The following TSPEAR variants were observed in gnomAD, a reference collection of about 807,000 sequenced individuals.
The protein encoded by TSPEAR is thrombospondin type laminin G domain and EAR repeats, also known as thrombospondin-type laminin G domain and EAR repeat-containing protein.
Under a neutral mutation model 71.6 loss-of-function variants are expected in TSPEAR, and 69 were observed. The ratio of observed to expected loss-of-function variants is 0.96; its 90% CI spans 0.79 to 1.18. TSPEAR has a LOEUF of 1.18. TSPEAR is among the 50% of genes most tolerant of loss of function. The pLI is 0.00. For synonymous variants in TSPEAR, 402 were observed against 387.2 expected (o/e 1.04, Z -0.45); for missense variants, 971 against 894.9 (o/e 1.09, Z -1.09).
chr21:44,570,068 T>C (rs2053770220), intron 1 of TSPEAR, among the ~76,000 whole-genome samples: 1 of 152,118 alleles, frequency 6.6e-6, no homozygotes, highest in African/African-American at 2.4e-5. Context: ...GGCTCACCCC[T>C]GGGGGTTTAG....
intron 11 of TSPEAR, among the ~76,000 whole-genome samples, chr21:44,501,870 A>ATTC (rs2052038809): frequency 6.6e-6 from 1 of 152,216 alleles, no homozygotes; most frequent in South Asian, 2.1e-4. Context: ...AAAAAATCCT[A>ATTC]TTCTTCAGAC....
At chr21:44,682,084 A>C (rs782057851) in intron 1 of TSPEAR, 6 of 1,613,928 alleles carry the variant, frequency 3.7e-6, no homozygotes, top group Non-Finnish European at 5.1e-6. Flanking sequence ...GGCGCGCAGC[A>C]GGCTGGCTGG....
At chr21:44,689,928 T>G (rs782124591) in intron 1 of TSPEAR, among the ~76,000 whole-genome samples, 1 of 151,652 alleles carries the variant, frequency 6.6e-6, no homozygotes, top group Non-Finnish European at 1.5e-5. Flanking sequence ...CAGTCTCGCC[T>G]CTTCACATTT....
intron 1 of TSPEAR, chr21:44,702,139 G>A: frequency 8.0e-7 from 1 of 1,243,804 alleles, no homozygotes; most frequent in Non-Finnish European, 1.1e-6. Flanking sequence ...CATGAGCACA[G>A]GGGTGGAGAC....
At chr21:44,530,092 G>A (rs1191373665) in intron 4 of TSPEAR, 138 bp from the exon 5 acceptor site, 2 of 897,096 alleles carry the variant, frequency 2.2e-6, no homozygotes, top group South Asian at 1.8e-5. Flanking sequence ...AGAGCTAACT[G>A]GGAAGAGTTT....
chr21:44,615,761 G>A (rs1030691782), intron 1 of TSPEAR, among the ~76,000 whole-genome samples: 2 of 152,082 alleles, frequency 1.3e-5, no homozygotes, highest in African/African-American at 2.4e-5. Context: ...TGCAACAGTC[G>A]TATCCAAATT....
rs372126563 is a variant in TSPEAR at position 44,539,424 on chromosome 21, C to T, written c.304-5501G>A. The T allele has an allele frequency of 1.0e-4, 165 of 1,602,404 alleles. 3 individuals carry two copies. The South Asian group carries it at 1.1e-3, about 10-fold the overall frequency. On this transcript the variant is annotated intron_variant, in intron 2 of 11. Transcript: ENST00000323084. ...CAGGAGGAGACAGGCATACAGCAGGCGGGCCGGCATACAGGGCGGCAGAGG... is the reference window on the plus strand; with the variant it reads ...CAGGAGGAGACAGGCATACAGCAGGTGGGCCGGCATACAGGGCGGCAGAGG...
intron 1 of TSPEAR, among the ~76,000 whole-genome samples, chr21:44,616,989 G>C (rs1982142639): frequency 6.6e-6 from 1 of 152,202 alleles, no homozygotes; most frequent in South Asian, 2.1e-4. Context: ...ACCAGGAAAG[G>C]AGGGTGCAGT....
chr21:44,667,478 T>C (rs1265034031), intron 1 of TSPEAR, among the ~76,000 whole-genome samples: 1 of 152,176 alleles, frequency 6.6e-6, no homozygotes, highest in Non-Finnish European at 1.5e-5. Context: ...GTGGTGACCA[T>C]GGATCTTTGT....
intron 1 of TSPEAR, among the ~76,000 whole-genome samples, chr21:44,670,966 A>G (rs1986028229): frequency 6.6e-6 from 1 of 152,150 alleles, no homozygotes. Context: ...TTCCCCACCC[A>G]CCATCATAAA....
At chr21:44,648,497 C>T (rs1352370911) in intron 1 of TSPEAR, among the ~76,000 whole-genome samples, 1 of 152,168 alleles carries the variant, frequency 6.6e-6, no homozygotes, top group Non-Finnish European at 1.5e-5. Flanking sequence ...AAGAAAAATA[C>T]GGCCATCCCC....
chr21:44,677,078 C>T, intron 1 of TSPEAR: 1 of 727,724 alleles, frequency 1.4e-6, no homozygotes, highest in Non-Finnish European at 2.5e-6. Context: ...TACTGAGATA[C>T]AAGCTTAGAC....
At chr21:44,539,163 G>T (rs587754095) in intron 2 of TSPEAR, 11 of 1,396,500 alleles carry the variant, frequency 7.9e-6, no homozygotes, top group Admixed American at 5.5e-5. Flanking sequence ...GAGCAAGGAG[G>T]GGGGGTCACC....
intron 2 of TSPEAR, among the ~76,000 whole-genome samples, chr21:44,545,345 TAA>T (rs1160153692): frequency 1.6e-4 from 23 of 147,386 alleles, no homozygotes; most frequent in African/African-American, 4.3e-4. Context: ...ATTAATTAAT[TAA>T]AAAAAAAAGA....
At chr21:44,702,517 G>T in intron 1 of TSPEAR, 2 of 1,608,390 alleles carry the variant, frequency 1.2e-6, no homozygotes, top group South Asian at 2.2e-5. Flanking sequence ...CGTCTGCTGT[G>T]TGCCTGTCTG....
chr21:44,503,475 C>T (rs1369091732), intron 11 of TSPEAR, among the ~76,000 whole-genome samples: 2 of 129,386 alleles, frequency 1.5e-5, no homozygotes, highest in African/African-American at 5.9e-5. Flanking sequence ...GGTGAGCCCT[C>T]GGGGGGAAGA....
At chr21:44,629,991 G>C (rs1174429353) in intron 1 of TSPEAR, among the ~76,000 whole-genome samples, 4 of 152,192 alleles carry the variant, frequency 2.6e-5, no homozygotes, top group African/African-American at 4.8e-5. Flanking sequence ...GGGGTCAGGA[G>C]CATCTTGCAC....
chr21:44,580,506 T>C (rs1555924940), intron 1 of TSPEAR: 1 of 1,613,432 alleles, frequency 6.2e-7, no homozygotes, highest in Non-Finnish European at 8.5e-7. Context: ...TCACAGCAGC[T>C]CTCTGGGCAG....
intron 1 of TSPEAR, among the ~76,000 whole-genome samples, chr21:44,584,555 C>T (rs2146109040): frequency 6.6e-6 from 1 of 152,338 alleles, no homozygotes; most frequent in African/African-American, 2.4e-5. Flanking sequence ...AACATAGGCA[C>T]ATAGAATCTC....
Sources: allele counts gnomAD v4.1 joint callset (sites outside exome capture counted in the v4.1 genomes callset), GRCh38; gene constraint gnomAD v4.1.1; transcripts MANE v1.5; gene names NCBI Gene and HGNC (gene_info 2026-07-23, HGNC 2026-07-21).